Variants in EGFR observed in about 807,000 individuals in gnomAD.
The protein encoded by EGFR is epidermal growth factor receptor, also known as avian erythroblastic leukemia viral (v-erb-b) oncogene homolog.
In EGFR, 58 loss-of-function variants were observed where a neutral mutation model predicts 143.0. The ratio of observed to expected loss-of-function variants is 0.41; its 90% CI spans 0.33 to 0.50. The LOEUF (loss-of-function observed/expected upper bound fraction) is 0.50, where lower values mean the gene tolerates loss of function less well. Ranked by LOEUF, EGFR falls within the 20% of genes least tolerant of loss-of-function variation. The probability of loss-of-function intolerance (pLI) is 0.39; values close to 1 mark genes in which losing one functional copy is unlikely to be tolerated. For missense variants in EGFR, 1,307 were observed against 1,579.0 expected (o/e 0.83, Z 2.92); for synonymous variants, 613 against 594.4 (o/e 1.03, Z -0.45).
intron 17 of EGFR, among the ~76,000 whole-genome samples, chr7:55,173,578 C>T (rs1480306265): frequency 4.6e-5 from 7 of 152,360 alleles, no homozygotes; most frequent in South Asian, 2.1e-4. Context: ...TAAGCATAAG[C>T]GCGTGTGATG....
rs766161581 is a variant in EGFR, at chr7:55,192,777, G to C, written c.2637G>C (p.Lys879Asn). 6.2e-7 allele frequency: 1 copy of C among 1,614,150 alleles called. No homozygotes were observed. Residue 879 changes from lysine to asparagine, a missense_variant, in exon 22 of 28, where the codon AAG becomes AAC. This residue lies in a region of EGFR where 348 missense variants were observed against 451.5 expected (regional missense o/e 0.77). Coordinates refer to ENST00000275493, the MANE Select transcript of EGFR (RefSeq NM_005228.5). ...CTCACCATCCCAAGGTGCCTATCAAGTGGATGGCATTGGAATCAATTTTAC... is the reference window on the plus strand; with the variant it reads ...CTCACCATCCCAAGGTGCCTATCAACTGGATGGCATTGGAATCAATTTTAC... ...YHAEGGKVPI[K>N]WMALESILHR... is the part of the protein sequence containing the mutation.
chr7:55,030,029 C>T (rs1360798132), intron 1 of EGFR, among the ~76,000 whole-genome samples: 2 of 152,188 alleles, frequency 1.3e-5, no homozygotes, highest in African/African-American at 2.4e-5. Flanking sequence ...CCTCCTACAA[C>T]CCCACAGGAT....
At chr7:55,172,782 G>T in intron 16 of EGFR, 1 of 1,471,770 alleles carries the variant, frequency 6.8e-7, no homozygotes, top group Middle Eastern at 1.7e-4. Flanking sequence ...GCCTGGTAGG[G>T]GACTGGGGAG....
At chr7:55,058,393 C>CAAA (rs938175363) in intron 1 of EGFR, among the ~76,000 whole-genome samples, 2 of 117,702 alleles carry the variant, frequency 1.7e-5, no homozygotes, top group Non-Finnish European at 3.6e-5. Flanking sequence ...GACTCTGTCT[C>CAAA]AAAAAAAAAA....
At chr7:55,175,021 C>A (rs1383781945) in intron 19 of EGFR, among the ~76,000 whole-genome samples, 1 of 152,208 alleles carries the variant, frequency 6.6e-6, no homozygotes, top group Non-Finnish European at 1.5e-5. Context: ...ATGCTGGTAT[C>A]CACCCCAAAA....
intron 1 of EGFR, among the ~76,000 whole-genome samples, chr7:55,100,455 C>G (rs922780290): frequency 2.0e-5 from 3 of 152,202 alleles, no homozygotes; most frequent in Non-Finnish European, 2.9e-5. Flanking sequence ...TTGGGTGCAG[C>G]CTCTGAGGTG....
chr7:55,172,817 C>A (rs756867813), intron 16 of EGFR, 166 bp from the exon 17 acceptor site: 1 of 1,545,316 alleles, frequency 6.5e-7, no homozygotes, highest in Non-Finnish European at 8.7e-7. Flanking sequence ...GGAAACGTTG[C>A]CTTAGAAGCC....
At chr7:55,095,955 A>T (rs17336122) in intron 1 of EGFR, among the ~76,000 whole-genome samples, 10 of 151,950 alleles carry the variant, frequency 6.6e-5, no homozygotes, top group Non-Finnish European at 1.5e-4. Context: ...ATACAGACAC[A>T]GACAGACATA....
At chr7:55,042,939 T>C (rs1404275938) in intron 1 of EGFR, among the ~76,000 whole-genome samples, 1 of 152,162 alleles carries the variant, frequency 6.6e-6, no homozygotes, top group Non-Finnish European at 1.5e-5. Flanking sequence ...CACGTCTAGA[T>C]GTGTCATGTA....
intron 8 of EGFR, 128 bp downstream of exon 8, chr7:55,156,074 A>T (rs2128937764): frequency 1.3e-6 from 1 of 762,628 alleles, no homozygotes; most frequent in Non-Finnish European, 2.3e-6. Flanking sequence ...GTTTCTTTAA[A>T]ACAGAAGATA....
intron 17 of EGFR, among the ~76,000 whole-genome samples, chr7:55,173,374 G>A (rs1403645932): frequency 2.0e-5 from 3 of 152,224 alleles, no homozygotes; most frequent in Admixed American, 1.3e-4. Flanking sequence ...TTAGGACCCG[G>A]TGCCTGTGTG....
chr7:55,067,713 G>A (rs1789583007), intron 1 of EGFR, among the ~76,000 whole-genome samples: 2 of 151,450 alleles, frequency 1.3e-5, no homozygotes, highest in South Asian at 4.1e-4. Flanking sequence ...TATTCAAGGT[G>A]TAGAACATGA....
intron 1 of EGFR, among the ~76,000 whole-genome samples, chr7:55,063,661 C>T: frequency 6.6e-6 from 1 of 152,150 alleles, no homozygotes; most frequent in East Asian, 1.9e-4. Context: ...CAGACTAACA[C>T]AAAGGACGTC....
At chr7:55,154,201 G>T (rs747626577) in intron 7 of EGFR, 49 bp downstream of exon 7, 1 of 1,613,274 alleles carries the variant, frequency 6.2e-7, no homozygotes, top group Non-Finnish European at 8.5e-7. Context: ...TCCTTGTCCC[G>T]CTCTGTCTCC....
At chr7:55,070,084 A>G (rs1487492214) in intron 1 of EGFR, among the ~76,000 whole-genome samples, 6 of 152,216 alleles carry the variant, frequency 3.9e-5, no homozygotes, top group Non-Finnish European at 8.8e-5. Flanking sequence ...CATACTTAGG[A>G]AAAAAAGCTT....
chr7:55,021,789 A>G (rs1786581912), intron 1 of EGFR, among the ~76,000 whole-genome samples: 1 of 152,142 alleles, frequency 6.6e-6, no homozygotes, highest in Admixed American at 6.5e-5. Context: ...CATGAGTCCT[A>G]ATCCCCACAT....
At chr7:55,080,805 T>C (rs575452524) in intron 1 of EGFR, among the ~76,000 whole-genome samples, 1 of 152,320 alleles carries the variant, frequency 6.6e-6, no homozygotes, top group Admixed American at 6.5e-5. Flanking sequence ...ACCATAAATA[T>C]ATACTGTCTC....
At chr7:55,192,926 C>A in intron 22 of EGFR, 85 bp downstream of exon 22, 1 of 1,160,200 alleles carries the variant, frequency 8.6e-7, no homozygotes, top group Non-Finnish European at 1.3e-6. Flanking sequence ...TATCCTCTGA[C>A]ATGCAAGTAT....
chr7:55,151,671 C>G (rs999448472), intron 5 of EGFR, among the ~76,000 whole-genome samples: 3 of 152,146 alleles, frequency 2.0e-5, no homozygotes, highest in Non-Finnish European at 2.9e-5. Flanking sequence ...GTCAGGAGAT[C>G]GAGCCATTCT....
Sources: allele counts gnomAD v4.1 joint callset (sites outside exome capture counted in the v4.1 genomes callset), GRCh38; gene constraint gnomAD v4.1.1; regional missense constraint gnomAD v4.1.1; transcripts MANE v1.5; gene names NCBI Gene and HGNC (gene_info 2026-07-23, HGNC 2026-07-21).